Variants in SCG3 observed in about 807,000 individuals in gnomAD.
SCG3 encodes the protein secretogranin III.
A neutral mutation model predicts 56.2 loss-of-function variants in SCG3; 38 were observed. The observed-to-expected ratio is 0.68, with a 90% CI of 0.52 to 0.89. The LOEUF (loss-of-function observed/expected upper bound fraction) is 0.89, where lower values mean the gene tolerates loss of function less well. Ranked by LOEUF, SCG3 falls within the 40% of genes least tolerant of loss-of-function variation. SCG3 has a pLI of 0.00. For missense variants in SCG3, 524 were observed against 540.7 expected (o/e 0.97, Z 0.31); for synonymous variants, 176 against 184.2 (o/e 0.96, Z 0.36).
intron 1 of SCG3, among the ~76,000 whole-genome samples, chr15:51,682,276 G>GAAA (rs372618103): frequency 3.0e-5 from 4 of 134,690 alleles, no homozygotes; most frequent in African/African-American, 1.1e-4. Context: ...TTTCTGGTCA[G>GAAA]AAAAAAAAAA....
intron 10 of SCG3, among the ~76,000 whole-genome samples, chr15:51,709,845 C>T (rs1284581282): frequency 4.9e-4 from 71 of 143,546 alleles, no homozygotes; most frequent in African/African-American, 1.7e-3. Context: ...CTCAGCCTCC[C>T]GAGTAGCTGG....
intron 10 of SCG3, among the ~76,000 whole-genome samples, chr15:51,704,760 A>AATAT (rs1567221019): frequency 2.3e-5 from 1 of 44,094 alleles, no homozygotes; most frequent in South Asian, 9.2e-4. Flanking sequence ...TGTTGTGAGT[A>AATAT]ATACATATAT....
At chr15:51,688,565 G>A (rs1228963150) in intron 5 of SCG3, among the ~76,000 whole-genome samples, 163 bp downstream of exon 5, 1 of 96,940 alleles carries the variant, frequency 1.0e-5, no homozygotes, top group Non-Finnish European at 2.2e-5. Flanking sequence ...TTTTTTTCTA[G>A]GAGTTTATCA....
intron 10 of SCG3, among the ~76,000 whole-genome samples, chr15:51,711,350 A>T (rs1394241810): frequency 6.6e-6 from 1 of 152,276 alleles, no homozygotes; most frequent in Non-Finnish European, 1.5e-5. Context: ...AAGCTCTAAC[A>T]TCATGATACG....
At chr15:51,701,910 G>A (rs1392743661) in intron 10 of SCG3, among the ~76,000 whole-genome samples, 2 of 151,886 alleles carry the variant, frequency 1.3e-5, no homozygotes, top group African/African-American at 2.4e-5. Context: ...ACAGGAAGGG[G>A]AACATCACAC....
chr15:51,684,011 C>A (rs75376286), intron 4 of SCG3, among the ~76,000 whole-genome samples: 8,602 of 152,212 alleles, frequency 0.057, 786 homozygotes, highest in African/African-American at 0.2. Context: ...ATTTAGCATG[C>A]CCATGATTAA....
At chr15:51,708,892 GT>G (rs1195773399) in intron 10 of SCG3, among the ~76,000 whole-genome samples, 1 of 151,918 alleles carries the variant, frequency 6.6e-6, no homozygotes, top group African/African-American at 2.4e-5. Flanking sequence ...TTGTCAGCCA[GT>G]TTACCAACAA....
chr15:51,704,796 C>G (rs376491762), intron 10 of SCG3, among the ~76,000 whole-genome samples: 1 of 40,720 alleles, frequency 2.5e-5, no homozygotes, highest in East Asian at 4.6e-4. Flanking sequence ...TATATATATA[C>G]ATCTCTCTTT....
chr15:51,713,435 C>T, intron 11 of SCG3, 22 bp downstream of exon 11: 1 of 1,479,124 alleles, frequency 6.8e-7, no homozygotes, highest in Non-Finnish European at 9.3e-7. Flanking sequence ...TGTGGTTGTA[C>T]ATTGCAAACT....
intron 4 of SCG3, among the ~76,000 whole-genome samples, chr15:51,687,468 C>T (rs1414758141): frequency 6.6e-6 from 1 of 152,176 alleles, no homozygotes; most frequent in Non-Finnish European, 1.5e-5. Flanking sequence ...CAGCCCTTTC[C>T]CTCAGGATGG....
chr15:51,681,911 G>T, intron 1 of SCG3, 74 bp downstream of exon 1: 1 of 1,193,356 alleles, frequency 8.4e-7, no homozygotes, highest in South Asian at 1.3e-5. Context: ...CATAATACGT[G>T]AGCTGTAAAT....
chr15:51,697,583 A>C (rs1189188516), intron 8 of SCG3, among the ~76,000 whole-genome samples: 1 of 152,240 alleles, frequency 6.6e-6, no homozygotes, highest in Non-Finnish European at 1.5e-5. Context: ...ATCATTGCAG[A>C]AAGTTCTGTT....
At chr15:51,719,293 G>A (rs16964486) in intron 11 of SCG3, 115 bp from the exon 12 acceptor site, 30,033 of 712,376 alleles carry the variant, frequency 0.042, 809 homozygotes, top group African/African-American at 0.05. Context: ...CGATGTGAAA[G>A]ATGGGGAATG....
chr15:51,681,779 T>C lies in SCG3; in HGVS notation c.24T>C (p.Thr8=). MGFLGTG[T]WILVLVLPIQ... ...GAATGGGGTTCCTCGGGACCGGCACTTGGATTCTGGTGTTAGTGCTCCCGA... is the reference window on the plus strand; with the variant it reads ...GAATGGGGTTCCTCGGGACCGGCACCTGGATTCTGGTGTTAGTGCTCCCGA... Residue 8 remains threonine, a synonymous_variant, in exon 1 of 12, where the codon ACT becomes ACC. Transcript: ENST00000220478. The C allele has an allele frequency of 6.2e-7, 1 of 1,614,138 alleles. No individual in the cohort carries two copies. Among genetic ancestry groups the C allele is most frequent in the South Asian group, 1.1e-5 (1 of 91,050 alleles).
chr15:51,700,468 A>G (rs2055331818), intron 9 of SCG3, among the ~76,000 whole-genome samples: 1 of 152,346 alleles, frequency 6.6e-6, no homozygotes, highest in South Asian at 2.1e-4. Flanking sequence ...CTACATGGAA[A>G]TATGGTTATT....
At chr15:51,695,792 A>G (rs1249616536) in intron 7 of SCG3, 83 bp from the exon 8 acceptor site, 1 of 820,750 alleles carries the variant, frequency 1.2e-6, no homozygotes, top group African/African-American at 1.7e-5. Flanking sequence ...ACAAACAAAC[A>G]AAAAGATGCT....
intron 7 of SCG3, chr15:51,693,947 A>C (rs2055285198): frequency 6.6e-6 from 1 of 152,210 alleles, no homozygotes; most frequent in Admixed American, 6.5e-5. Flanking sequence ...CCTTGAGCAA[A>C]TAATGTGATA....
intron 10 of SCG3, among the ~76,000 whole-genome samples, chr15:51,704,792 T>TATATATATAC (rs2055364246): frequency 7.1e-6 from 1 of 139,890 alleles, no homozygotes; most frequent in South Asian, 2.2e-4. Flanking sequence ...TATATATATA[T>TATATATATAC]ATACATCTCT....
Position 51,686,584 on chromosome 15 carries a change from C to T in SCG3, c.398-1676C>T, listed in dbSNP as rs920281093. 3.2e-4 allele frequency among the ~76,000 whole-genome samples: 48 copies of T among 152,200 alleles called. 1 individual carries two copies. The highest frequency in any genetic ancestry group is 1.1e-3 in the African/African-American group (44 of 41,514). ...ATTCCTGACAGCCTGACTTGCAATCCGCAAATGGAAAAATCAGACACATAA... is the reference window on the plus strand; with the variant it reads ...ATTCCTGACAGCCTGACTTGCAATCTGCAAATGGAAAAATCAGACACATAA... On this transcript the variant is annotated intron_variant, in intron 4 of 11. Transcript: ENST00000220478.
Sources: gnomAD v4.1 joint callset for allele counts (sites outside exome capture counted in the v4.1 genomes callset) on GRCh38, gnomAD v4.1.1 for gene constraint, MANE v1.5 for transcripts, NCBI Gene and HGNC (gene_info 2026-07-23, HGNC 2026-07-21) for gene names.